The following PROM1 variants were observed in gnomAD, a reference collection of about 807,000 sequenced individuals.
PROM1 encodes the protein prominin 1.
A neutral mutation model predicts 116.9 loss-of-function variants in PROM1; 105 were observed. The observed-to-expected ratio is 0.90, with a 90% CI of 0.77 to 1.06. The LOEUF (loss-of-function observed/expected upper bound fraction) is 1.06, where lower values mean the gene tolerates loss of function less well. PROM1 is among the 50% of genes least tolerant of loss of function. PROM1 has a pLI of 0.00. For synonymous variants in PROM1, 393 were observed against 387.0 expected (o/e 1.02, Z -0.18); for missense variants, 1,122 against 1,045.2 (o/e 1.07, Z -1.01).
At position 16,023,428 on chromosome 4, in the gene PROM1, A is replaced by G. The variant is rs1418646892; in HGVS notation, c.695-13T>C. The G allele has an allele frequency of 1.3e-6, 2 of 1,570,474 alleles. No homozygotes were observed. The highest frequency in any genetic ancestry group is 3.5e-5 in the Admixed American group (2 of 56,542). On this transcript the variant is annotated splice_polypyrimidine_tract_variant and intron_variant, in intron 7 of 27. Transcript: ENST00000447510. The stretch of plus-strand genomic sequence containing the variant: ...ACTGAATTGATACCTACATGCAAAT[A>G]AGCACAAAGATGGTGAGGGTGGCCT...
At chr4:16,079,321 C>T (rs903224373) in intron 1 of PROM1, 3 of 152,160 alleles carry the variant, frequency 2.0e-5, no homozygotes, top group African/African-American at 7.2e-5. Flanking sequence ...AACTGCTCAC[C>T]GCAGCAAAGA....
At chr4:16,075,614 C>T in intron 2 of PROM1, 73 bp downstream of exon 2, 1 of 1,363,026 alleles carries the variant, frequency 7.3e-7, no homozygotes, top group Non-Finnish European at 1.0e-6. Context: ...ATATTGATTG[C>T]ATTGACATTA....
chr4:16,003,266 C>G, intron 13 of PROM1: 1 of 456,640 alleles, frequency 2.2e-6, no homozygotes, highest in Non-Finnish European at 4.4e-6. Context: ...TAGGCTGTTT[C>G]CAGTGCTTCA....
chr4:16,021,630 C>T (rs906868810), intron 8 of PROM1, among the ~76,000 whole-genome samples: 1 of 152,184 alleles, frequency 6.6e-6, no homozygotes, highest in African/African-American at 2.4e-5. Context: ...TGCAGTGTTG[C>T]CTGGCATCAT....
At chr4:16,000,694 C>A in intron 13 of PROM1, 75 bp from the exon 14 acceptor site, 1 of 1,271,616 alleles carries the variant, frequency 7.9e-7, no homozygotes, top group Non-Finnish European at 1.1e-6. Flanking sequence ...CTAAATCTAC[C>A]TATACTCTAT....
intron 2 of PROM1, among the ~76,000 whole-genome samples, chr4:16,041,184 G>A (rs1023622892): frequency 6.6e-6 from 1 of 152,226 alleles, no homozygotes; most frequent in Non-Finnish European, 1.5e-5. Context: ...AAGAATGCAA[G>A]TGATTTGGCA....
chr4:15,986,842 G>A (rs370270867), intron 20 of PROM1, among the ~76,000 whole-genome samples: 3 of 152,324 alleles, frequency 2.0e-5, no homozygotes, highest in African/African-American at 7.2e-5. Context: ...GGAACATTTA[G>A]TTTTATCCTG....
At chr4:16,053,470 G>A (rs1313800768) in intron 2 of PROM1, among the ~76,000 whole-genome samples, 1 of 152,136 alleles carries the variant, frequency 6.6e-6, no homozygotes, top group East Asian at 1.9e-4. Context: ...TCAAGGGAAG[G>A]AAAGAAACAG....
chr4:15,984,478 G>T (rs41268365), intron 22 of PROM1, 123 bp from the exon 23 acceptor site: 1 of 643,068 alleles, frequency 1.6e-6, no homozygotes, highest in South Asian at 2.7e-5. Context: ...TAAGACAGGG[G>T]TCCCCAACTC....
At chr4:16,039,109 T>C (rs983821242) in intron 2 of PROM1, 108 bp from the exon 3 acceptor site, 2 of 854,006 alleles carry the variant, frequency 2.3e-6, no homozygotes, top group Non-Finnish European at 1.6e-6. Context: ...CCTATATTTC[T>C]ATTATTCTTA....
At chr4:15,981,582 A>G (rs1334835499) in intron 23 of PROM1, among the ~76,000 whole-genome samples, 1 of 74,878 alleles carries the variant, frequency 1.3e-5, no homozygotes, top group Non-Finnish European at 2.8e-5. Flanking sequence ...AAAAAAAAGA[A>G]AAAAAAAAAA....
intron 2 of PROM1, among the ~76,000 whole-genome samples, chr4:16,055,966 C>T (rs1738907340): frequency 6.6e-6 from 1 of 152,114 alleles, no homozygotes; most frequent in Non-Finnish European, 1.5e-5. Flanking sequence ...GTGAGTGAGT[C>T]TGCAAGTGAC....
At chr4:16,005,484 T>A (rs1275775527) in intron 13 of PROM1, among the ~76,000 whole-genome samples, 1 of 140,678 alleles carries the variant, frequency 7.1e-6, no homozygotes, top group Non-Finnish European at 1.5e-5. Context: ...CCCAAAGTTT[T>A]TTGTTTGTTT....
chr4:16,056,405 G>T (rs1739028427), intron 2 of PROM1, among the ~76,000 whole-genome samples: 2 of 152,086 alleles, frequency 1.3e-5, no homozygotes, highest in African/African-American at 4.8e-5. Flanking sequence ...AACAATTATG[G>T]GGTACTTGCT....
At chr4:16,008,461 C>A (rs1176155617) in intron 12 of PROM1, among the ~76,000 whole-genome samples, 1 of 152,166 alleles carries the variant, frequency 6.6e-6, no homozygotes, top group East Asian at 1.9e-4. Flanking sequence ...TAAGAACCAA[C>A]CTCTGCATAT....
chr4:16,027,297 A>ACACACACACAC (rs1553915427), intron 5 of PROM1, among the ~76,000 whole-genome samples: 2 of 147,234 alleles, frequency 1.4e-5, no homozygotes, highest in Admixed American at 1.4e-4. Context: ...GTGAAGAAGA[A>ACACACACACAC]ACACACACAC....
At chr4:16,069,282 T>C (rs990558832) in intron 2 of PROM1, among the ~76,000 whole-genome samples, 1 of 152,080 alleles carries the variant, frequency 6.6e-6, no homozygotes, top group Admixed American at 6.5e-5. Context: ...CAGAGAATAA[T>C]TTTAGAGAAT....
chr4:16,018,626 T>C, intron 8 of PROM1, 86 bp from the exon 9 acceptor site: 1 of 1,238,524 alleles, frequency 8.1e-7, no homozygotes, highest in Non-Finnish European at 1.1e-6. Context: ...TGGGATGGAC[T>C]GGTAAATGAC....
chr4:16,030,188 A>G (rs1370797107), intron 5 of PROM1, among the ~76,000 whole-genome samples: 1 of 152,254 alleles, frequency 6.6e-6, no homozygotes, highest in East Asian at 1.9e-4. Context: ...CCATTAAAAT[A>G]GCTACCGTAA....
Sources: allele counts gnomAD v4.1 joint callset (sites outside exome capture counted in the v4.1 genomes callset), GRCh38; gene constraint gnomAD v4.1.1; transcripts MANE v1.5; gene names NCBI Gene and HGNC (gene_info 2026-07-23, HGNC 2026-07-21).